Variants in TENM2 observed in about 807,000 individuals in gnomAD.
TENM2 encodes teneurin transmembrane protein 2.
Under a neutral mutation model 245.2 loss-of-function variants are expected in TENM2, and 52 were observed. That is an observed-to-expected ratio of 0.21 (90% CI 0.17 to 0.27). TENM2 has a LOEUF of 0.27. Among genes scored for constraint, TENM2 ranks in the 10% least tolerant of loss-of-function variants. The pLI, the probability that TENM2 is intolerant of heterozygous loss-of-function variation, is 1.00. For synonymous variants in TENM2, 1,363 were observed against 1,438.9 expected (o/e 0.95, Z 1.19); for missense variants, 3,046 against 3,666.8 (o/e 0.83, Z 4.37).
intron 5 of TENM2, among the ~76,000 whole-genome samples, chr5:168,043,205 A>C (rs970300374): frequency 6.6e-6 from 1 of 151,726 alleles, no homozygotes; most frequent in Admixed American, 6.6e-5. Flanking sequence ...ATGAAGCAGC[A>C]ATAACTCTGG....
At chr5:167,421,057 A>G (rs1763475555) in intron 2 of TENM2, among the ~76,000 whole-genome samples, 1 of 152,208 alleles carries the variant, frequency 6.6e-6, no homozygotes, top group South Asian at 2.1e-4. Flanking sequence ...CATAGTAAGA[A>G]TTGGGAAAGG....
At chr5:167,748,945 C>T (rs1761769970) in intron 2 of TENM2, among the ~76,000 whole-genome samples, 1 of 152,038 alleles carries the variant, frequency 6.6e-6, no homozygotes, top group African/African-American at 2.4e-5. Flanking sequence ...TGGAGTTTTG[C>T]TATATTGCCT....
chr5:167,055,534 C>T, the TENM2 span, among the ~76,000 whole-genome samples: 1 of 152,040 alleles, frequency 6.6e-6, no homozygotes. Context: ...TTTTCCTATC[C>T]ATTGACATGG....
At chr5:168,022,859 G>T (rs190862276) in intron 5 of TENM2, among the ~76,000 whole-genome samples, 1 of 152,112 alleles carries the variant, frequency 6.6e-6, no homozygotes, top group African/African-American at 2.4e-5. Context: ...AGGGGCAGCC[G>T]TGTCTCTCAC....
intron 2 of TENM2, among the ~76,000 whole-genome samples, chr5:167,752,335 A>G (rs903243558): frequency 4.7e-5 from 7 of 149,988 alleles, no homozygotes; most frequent in Non-Finnish European, 8.9e-5. Context: ...GCTGGTCTCA[A>G]ACTCCTGACC....
chr5:167,765,422 T>A (rs755215979), intron 2 of TENM2, among the ~76,000 whole-genome samples: 1 of 152,180 alleles, frequency 6.6e-6, no homozygotes, highest in African/African-American at 2.4e-5. Context: ...AAAGGCATCA[T>A]GGGCTTGATT....
intron 7 of TENM2, among the ~76,000 whole-genome samples, chr5:168,079,640 G>C (rs1262167996): frequency 1.3e-5 from 2 of 152,214 alleles, no homozygotes; most frequent in African/African-American, 4.8e-5. Flanking sequence ...TTAGCATGAA[G>C]GGCTGTTGAA....
At position 168,055,228 on chromosome 5, in the gene TENM2, C is replaced by G. The variant is rs190624724; in HGVS notation, c.1310-6832C>G. ...AGATAATGGGAATACAACATACACCCCAACTCTGATGTTGACCAAAGAATA... is the reference window on the plus strand; with the variant it reads ...AGATAATGGGAATACAACATACACCGCAACTCTGATGTTGACCAAAGAATA... On this transcript the variant is annotated intron_variant, in intron 6 of 28. Coordinates refer to ENST00000518659, the Ensembl canonical transcript of TENM2. 4.6e-4 allele frequency among the ~76,000 whole-genome samples: 70 copies of G among 152,240 alleles called. 1 individual carries two copies. The East Asian group carries it at 0.013, about 28-fold the overall frequency.
chr5:166,982,870 T>A, the TENM2 span, among the ~76,000 whole-genome samples: 1 of 152,010 alleles, frequency 6.6e-6, no homozygotes, highest in South Asian at 2.1e-4. Context: ...CATGATGTAT[T>A]TTCTAACTAC....
chr5:167,323,242 G>A (rs2127775169), intron 1 of TENM2, among the ~76,000 whole-genome samples: 1 of 152,316 alleles, frequency 6.6e-6, no homozygotes, highest in East Asian at 1.9e-4. Flanking sequence ...TGAATGTACA[G>A]ATAAAGAAAC....
At chr5:167,231,045 A>G in the TENM2 span, among the ~76,000 whole-genome samples, 31,548 of 152,022 alleles carry the variant, frequency 0.21, 3,824 homozygotes, top group African/African-American at 0.34. Context: ...CCTGCTGCCC[A>G]TGAAGAGGTG....
the TENM2 span, among the ~76,000 whole-genome samples, chr5:167,102,539 A>G: frequency 3.3e-5 from 5 of 152,228 alleles, no homozygotes; most frequent in African/African-American, 1.2e-4. Flanking sequence ...TCACTCAACT[A>G]CGTGGATGAT....
At chr5:167,745,866 C>G (rs1761522497) in intron 2 of TENM2, among the ~76,000 whole-genome samples, 1 of 152,090 alleles carries the variant, frequency 6.6e-6, no homozygotes, top group Non-Finnish European at 1.5e-5. Context: ...ACAGGTTTAC[C>G]ACGTTTTCTT....
chr5:167,110,597 G>A, the TENM2 span, among the ~76,000 whole-genome samples: 2 of 152,206 alleles, frequency 1.3e-5, no homozygotes, highest in East Asian at 1.9e-4. Context: ...TGATTGGGTA[G>A]TAAGTACATC....
At chr5:167,178,693 A>G in the TENM2 span, among the ~76,000 whole-genome samples, 2 of 152,260 alleles carry the variant, frequency 1.3e-5, no homozygotes, top group Middle Eastern at 3.4e-3. Context: ...AAATGGATAA[A>G]AGCGTGTTTT....
At chr5:167,357,386 G>A (rs531406055) in intron 1 of TENM2, among the ~76,000 whole-genome samples, 179 of 150,460 alleles carry the variant, frequency 1.2e-3, no homozygotes, top group African/African-American at 4.2e-3. Flanking sequence ...AGGTTCAAGC[G>A]ATTCTCCTGC....
At chr5:167,053,263 T>C in the TENM2 span, among the ~76,000 whole-genome samples, 2 of 152,218 alleles carry the variant, frequency 1.3e-5, no homozygotes. Context: ...CAAAATATGC[T>C]CTTTTCTTAT....
intron 27 of TENM2, among the ~76,000 whole-genome samples, chr5:168,257,439 G>A (rs1372809910): frequency 2.0e-5 from 3 of 152,154 alleles, no homozygotes; most frequent in Non-Finnish European, 4.4e-5. Context: ...TGCATCCCTG[G>A]CATATTCAAA....
the TENM2 span, among the ~76,000 whole-genome samples, chr5:167,138,055 G>A: frequency 6.6e-6 from 1 of 152,178 alleles, no homozygotes; most frequent in Non-Finnish European, 1.5e-5. Context: ...AGATTATGGA[G>A]TGATTTAGTC....
Sources: allele counts gnomAD v4.1 joint callset (sites outside exome capture counted in the v4.1 genomes callset), GRCh38; gene constraint gnomAD v4.1.1; transcripts MANE v1.5; gene names NCBI Gene and HGNC (gene_info 2026-07-23, HGNC 2026-07-21).